Variants in CARD14 observed in about 807,000 individuals in gnomAD.
The protein encoded by CARD14 is caspase recruitment domain family member 14, also known as caspase recruitment domain-containing protein 14.
A neutral mutation model predicts 111.5 loss-of-function variants in CARD14; 107 were observed. The ratio of observed to expected loss-of-function variants is 0.96; its 90% CI spans 0.82 to 1.13. CARD14 has a LOEUF of 1.13. Among genes scored for constraint, CARD14 ranks in the 50% most tolerant of loss-of-function variants. CARD14 has a pLI of 0.00. For synonymous variants in CARD14, 617 were observed against 579.6 expected (o/e 1.06, Z -0.93); for missense variants, 1,322 against 1,362.3 (o/e 0.97, Z 0.47).
intron 12 of CARD14, among the ~76,000 whole-genome samples, chr17:80,192,887 C>T (rs532920046): frequency 6.6e-6 from 1 of 152,282 alleles, no homozygotes; most frequent in Non-Finnish European, 1.5e-5. Flanking sequence ...CAAGTAGCTG[C>T]ATTACAGACA....
intron 2 of CARD14, among the ~76,000 whole-genome samples, chr17:80,173,979 T>C (rs866264920): frequency 5.3e-5 from 8 of 152,124 alleles, no homozygotes; most frequent in African/African-American, 1.9e-4. Flanking sequence ...AACTATTAGT[T>C]CCTAAAAAAT....
rs2041133771 is a variant in CARD14, at chr17:80,203,989, T to C, written c.2283+104T>C. 2.0e-6 allele frequency: 2 copies of C among 995,916 alleles called. No individual in the cohort carries two copies. The highest frequency in any genetic ancestry group is 2.5e-5 in the Admixed American group (1 of 40,540). The allele number at this position is 995,916 out of a possible 1,614,324, so 61.7% of individuals were successfully genotyped here. Reference sequence around the variant, plus strand: ...CACTGTGTGGAGAGTGGGCTGCTGATTGGAGGGTAACCCCACCTGTCTCTC... The same window carrying C: ...CACTGTGTGGAGAGTGGGCTGCTGACTGGAGGGTAACCCCACCTGTCTCTC... On this transcript the variant is annotated intron_variant, in intron 19 of 23. Transcript: ENST00000648509. This position sits in a 1 kb window ranked among gnomAD's most constrained non-coding sequence, Gnocchi z 4.6.
intron 7 of CARD14, among the ~76,000 whole-genome samples, chr17:80,185,460 A>G (rs1434277335): frequency 6.6e-6 from 1 of 152,222 alleles, no homozygotes; most frequent in Non-Finnish European, 1.5e-5. Context: ...AAATAGTACA[A>G]ATAATACCCA....
Position 80,182,575 on chromosome 17 carries a change from C to T in CARD14, c.212-78C>T. The T allele has an allele frequency of 7.1e-6, 11 of 1,558,656 alleles. No homozygotes were observed. The highest frequency in any genetic ancestry group is 8.7e-6 in the Non-Finnish European group (10 of 1,143,594). On this transcript the variant is annotated intron_variant, in intron 5 of 23. Coordinates refer to ENST00000648509, the MANE Select transcript of CARD14 (RefSeq NM_001366385.1). The surrounding 1 kb of genome is among the most constrained non-coding windows in gnomAD (Gnocchi z 4.7). ...GGGTTTCCCAGCCCCAGGCCTCTCCCCCGTGGGGAAGCCAGCCAGGGAGCC... is the reference window on the plus strand; with the variant it reads ...GGGTTTCCCAGCCCCAGGCCTCTCCTCCGTGGGGAAGCCAGCCAGGGAGCC...
At position 80,190,773 on chromosome 17, in the gene CARD14, G is replaced by C. The variant is rs755840892; in HGVS notation, c.964-1G>C. On this transcript the variant is annotated splice_acceptor_variant, in intron 9 of 23. Coordinates refer to ENST00000648509, the MANE Select transcript of CARD14 (RefSeq NM_001366385.1). LOFTEE classifies it high-confidence loss of function. ...CGGTCCATGTGTCCCACTCTGTCCA[G>C]TACTGGGAAGAGAAGGAACAGACCC... The C allele has an allele frequency of 6.2e-7, 1 of 1,614,144 alleles. No homozygotes were observed. The highest frequency in any genetic ancestry group is 8.5e-7 in the Non-Finnish European group (1 of 1,180,018).
chr17:80,190,032 C>T (rs1253417087), intron 9 of CARD14, among the ~76,000 whole-genome samples, 160 bp downstream of exon 9: 1 of 152,064 alleles, frequency 6.6e-6, no homozygotes, highest in African/African-American at 2.4e-5. Context: ...GTCAGCGCCA[C>T]CCTAAGCACC....
intron 1 of CARD14, among the ~76,000 whole-genome samples, chr17:80,172,217 C>T (rs12602462): frequency 0.32 from 48,992 of 152,182 alleles, 8,234 homozygotes; most frequent in Middle Eastern, 0.37. Flanking sequence ...CAAAGAAAGG[C>T]CTTGTAGGCG....
chr17:80,189,608 T>C lies in CARD14; in HGVS notation c.844-145T>C. On this transcript the variant is annotated intron_variant, in intron 8 of 23. Transcript: ENST00000648509. The surrounding 1 kb of genome is among the most constrained non-coding windows in gnomAD (Gnocchi z 4.7). ...GCATGATGGGTGGCTTTTCCGTGGC[T>C]TCTCTCCTGCCCGGTGTAGAGTGGC... The C allele has an allele frequency of 9.2e-7, 1 of 1,081,224 alleles. No individual in the cohort carries two copies. Among genetic ancestry groups the C allele is most frequent in the Non-Finnish European group, 1.2e-6 (1 of 801,290 alleles). 67.0% of individuals were successfully genotyped at this position (1,081,224 alleles called of 1,614,324 possible). A position where few individuals can be genotyped will look rare whatever the true frequency, so the allele number is the denominator to read the frequency against.
chr17:80,192,443 A>G, intron 11 of CARD14, 60 bp from the exon 12 acceptor site: 3 of 1,325,580 alleles, frequency 2.3e-6, no homozygotes, highest in Non-Finnish European at 2.2e-6. Context: ...TAGAAACTCC[A>G]CGGGCCTCAA....
chr17:80,170,353 C>T (rs942262539), intron 1 of CARD14: 16 of 152,222 alleles, frequency 1.1e-4, no homozygotes, highest in African/African-American at 3.9e-4. Flanking sequence ...ATACTCTCAT[C>T]TCTTCGCTAT....
rs565375477 is a variant in CARD14 at position 80,198,733 on chromosome 17, G to A, written c.1851+142G>A. 24 of 1,555,104 alleles carry A rather than the reference G, an allele frequency of 1.5e-5. No homozygotes were observed. The highest frequency in any genetic ancestry group is 3.7e-5 in the Admixed American group (2 of 54,730). On this transcript the variant is annotated intron_variant, in intron 16 of 23. Coordinates refer to ENST00000648509, the MANE Select transcript of CARD14 (RefSeq NM_001366385.1). The surrounding 1 kb of genome is among the most constrained non-coding windows in gnomAD (Gnocchi z 7.5). ...GGCCTCTGCTCTTTCCTGGGCTGAC[G>A]TAAAGCGTTCTGCTCATTTATAGAT...
Position 80,192,548 on chromosome 17 carries a change from C to A in CARD14, c.1285C>A (p.Gln429Lys). ...RTREPCPREK[Q>K]RLVRMHAICP... ...CAGGGAGCCCTGTCCACGGGAGAAGCAGCGGCTGGTGCGGATGCATGCCAT... is the reference window on the plus strand; with the variant it reads ...CAGGGAGCCCTGTCCACGGGAGAAGAAGCGGCTGGTGCGGATGCATGCCAT... The change falls in exon 12 of 24, where the codon CAG (glutamine) becomes AAG (lysine). Residue 429 changes from glutamine (Q) to lysine (K), a missense_variant. By Grantham distance (53) the Gln-to-Lys change is moderately conservative (BLOSUM62 1). Transcript: ENST00000648509. 6.2e-7 allele frequency: 1 copy of A among 1,613,694 alleles called. No homozygotes were observed. Among genetic ancestry groups the A allele is most frequent in the Non-Finnish European group, 8.5e-7 (1 of 1,179,950 alleles).
intron 1 of CARD14, among the ~76,000 whole-genome samples, chr17:80,170,809 T>TCCCCTCCCCTCCC (rs1567860508): frequency 4.4e-5 from 1 of 22,914 alleles, no homozygotes; most frequent in Non-Finnish European, 8.4e-5. Context: ...CCTCCCCTCC[T>TCCCCTCCCCTCCC]CTCCCCTCCC....
intron 22 of CARD14, among the ~76,000 whole-genome samples, chr17:80,206,112 A>G (rs1288902089): frequency 1.3e-5 from 2 of 152,198 alleles, no homozygotes; most frequent in East Asian, 3.9e-4. Flanking sequence ...AGATTTTCCC[A>G]GTGAAAAATC....
chr17:80,194,145 C>A (rs1258380123), intron 12 of CARD14, among the ~76,000 whole-genome samples: 1 of 152,078 alleles, frequency 6.6e-6, no homozygotes, highest in African/African-American at 2.4e-5. Context: ...GTGCCCCCTG[C>A]CCCCAACACA....
intron 17 of CARD14, 95 bp from the exon 18 acceptor site, chr17:80,202,085 G>A: frequency 7.8e-7 from 1 of 1,280,710 alleles, no homozygotes; most frequent in Non-Finnish European, 1.1e-6. Context: ...GAGACTGGGA[G>A]GGTCCTTCCT....
At position 80,190,755 on chromosome 17, in the gene CARD14, T is replaced by C. The variant is rs2040499558; in HGVS notation, c.964-19T>C. 5 of 1,613,298 alleles carry C rather than the reference T, an allele frequency of 3.1e-6. No homozygotes were observed. The highest frequency in any genetic ancestry group is 1.1e-5 in the South Asian group (1 of 91,024). Reference sequence around the variant, plus strand: ...CAGAGCTGCTGAGCTTCACGGTCCATGTGTCCCACTCTGTCCAGTACTGGG... The same window carrying C: ...CAGAGCTGCTGAGCTTCACGGTCCACGTGTCCCACTCTGTCCAGTACTGGG... On this transcript the variant is annotated intron_variant, in intron 9 of 23. Transcript: ENST00000648509.
Position 80,181,550 on chromosome 17 carries a change from C to A in CARD14, c.112C>A (p.Arg38Ser). 1 of 1,573,052 alleles carries A rather than the reference C, an allele frequency of 6.4e-7. No homozygotes were observed. The highest frequency in any genetic ancestry group is 8.6e-7 in the Non-Finnish European group (1 of 1,159,642). ...HRIVRCICPS[R>S]LTPYLRQAKV... is the part of the protein sequence containing the mutation. Reference sequence around the variant, plus strand: ...GATCGTACGCTGCATCTGCCCCAGCCGCCTCACCCCCTACCTGCGCCAGGC... The same window carrying A: ...GATCGTACGCTGCATCTGCCCCAGCAGCCTCACCCCCTACCTGCGCCAGGC... Residue 38 changes from arginine (R) to serine (S), a missense_variant, in exon 5 of 24, where the codon CGC becomes AGC. Transcript: ENST00000648509.
chr17:80,170,999 C>A (rs143034084), intron 1 of CARD14, among the ~76,000 whole-genome samples: 8 of 151,134 alleles, frequency 5.3e-5, no homozygotes, highest in East Asian at 1.9e-4. Flanking sequence ...CGCCACCACA[C>A]CTGGTTAATT....
Sources: gnomAD v4.1 joint callset for allele counts (sites outside exome capture counted in the v4.1 genomes callset) on GRCh38, gnomAD v4.1.1 for gene constraint, Gnocchi (gnomAD v3.1) non-coding constraint, MANE v1.5 for transcripts, NCBI Gene and HGNC (gene_info 2026-07-23, HGNC 2026-07-21) for gene names.